Variants in DDX52 observed in about 807,000 individuals in gnomAD.
DDX52 encodes the protein probable ATP-dependent RNA helicase DDX52.
DDX52 carries 59 observed loss-of-function variants against 76.1 expected under a neutral mutation model. The observed-to-expected ratio is 0.78, with a 90% CI of 0.63 to 0.96. The LOEUF (loss-of-function observed/expected upper bound fraction) is 0.96, where lower values mean the gene tolerates loss of function less well. Ranked by LOEUF, DDX52 falls within the 40% of genes least tolerant of loss-of-function variation. DDX52 has a pLI of 0.00. For missense variants in DDX52, 707 were observed against 703.9 expected (o/e 1.00, Z -0.05); for synonymous variants, 231 against 244.1 (o/e 0.95, Z 0.50).
chr17:37,628,540 TC>T lies in DDX52; in HGVS notation c.859+20del, dbSNP rs747357474. On this transcript the variant is annotated intron_variant, in intron 6 of 14. Coordinates refer to ENST00000617633, the MANE Select transcript of DDX52 (RefSeq NM_007010.5). ...AGATTCCTTACATGCTCTATCTACA[TC>T]CCATGTATGAATTCCTTACCAAACT... 22 of 1,549,776 alleles carry T rather than the reference TC, an allele frequency of 1.4e-5. No homozygotes were observed. In the South Asian group the frequency reaches 2.3e-4, roughly 16 times the overall value.
chr17:37,630,642 T>G (rs1013144938), intron 4 of DDX52, among the ~76,000 whole-genome samples: 11 of 148,826 alleles, frequency 7.4e-5, no homozygotes, highest in South Asian at 4.2e-4. Flanking sequence ...TCACTGTGTT[T>G]TTTTTTTTTT....
intron 2 of DDX52, among the ~76,000 whole-genome samples, chr17:37,641,053 A>G (rs1204137832): frequency 6.6e-6 from 1 of 152,098 alleles, no homozygotes; most frequent in Non-Finnish European, 1.5e-5. Context: ...AGAAGAAACA[A>G]TTCACAAAAG....
chr17:37,639,954 C>T (rs912247898), intron 2 of DDX52, among the ~76,000 whole-genome samples: 7 of 152,108 alleles, frequency 4.6e-5, no homozygotes, highest in African/African-American at 1.7e-4. Context: ...TACTGCAGCA[C>T]TTAACAGCAA....
intron 9 of DDX52, among the ~76,000 whole-genome samples, chr17:37,623,647 G>C (rs1319000961): frequency 6.6e-6 from 1 of 152,122 alleles, no homozygotes; most frequent in African/African-American, 2.4e-5. Flanking sequence ...GTTTTATCCT[G>C]AAAATCCTTC....
rs1447738222 is a variant in DDX52, at chr17:37,613,611, CAA to C, written c.*683_*684del. 6.6e-6 allele frequency: 1 copy of C among 152,252 alleles called. No homozygotes were observed. The highest frequency in any genetic ancestry group is 6.5e-5 in the Admixed American group (1 of 15,272). The allele number at this position is 152,252 out of a possible 1,614,324, so 9.4% of individuals were successfully genotyped here. ...CCCAGGGAACTGGAATAACCAGCCA[CAA>C]AAGAGGCCTCTCTTTGTTGTGGTTC... On this transcript the variant is annotated 3_prime_UTR_variant, in exon 15 of 15. Transcript: ENST00000617633.
intron 8 of DDX52, among the ~76,000 whole-genome samples, chr17:37,624,885 T>C (rs1222041687): frequency 6.6e-6 from 1 of 152,104 alleles, no homozygotes; most frequent in African/African-American, 2.4e-5. Context: ...CTGTGTTGTA[T>C]CATAAATATT....
At chr17:37,637,926 T>C (rs1448635740) in intron 2 of DDX52, among the ~76,000 whole-genome samples, 1 of 152,200 alleles carries the variant, frequency 6.6e-6, no homozygotes, top group Non-Finnish European at 1.5e-5. Flanking sequence ...TTCCATATGA[T>C]GGGTGCCAAA....
rs1568613236 is a variant in DDX52, at chr17:37,642,166, CTCTCT to C, written c.225_229del (p.Glu76ProfsTer3). 5 of 1,614,066 alleles carry C rather than the reference CTCTCT, an allele frequency of 3.1e-6. No individual in the cohort carries two copies. The East Asian group carries it at 1.1e-4, about 36-fold the overall frequency. On this transcript the variant is annotated frameshift_variant, in exon 2 of 15. Transcript: ENST00000617633. LOFTEE classifies it high-confidence loss of function. ...CTGCTCCCTCTTCCTTTCAGTTAGG[CTCTCT>C]TCTTTTTTCTCTCCATTTTGGGGCT...
At chr17:37,638,720 A>C (rs1372099899) in intron 2 of DDX52, among the ~76,000 whole-genome samples, 1 of 152,016 alleles carries the variant, frequency 6.6e-6, no homozygotes, top group Non-Finnish European at 1.5e-5. Context: ...AAAGATTTTA[A>C]TATAACAAAT....
intron 1 of DDX52, 97 bp downstream of exon 1, chr17:37,643,237 G>T: frequency 7.6e-7 from 1 of 1,316,154 alleles, no homozygotes; most frequent in Non-Finnish European, 1.1e-6. Flanking sequence ...GCCAGGCCAC[G>T]GGTGTCCAAG....
Position 37,621,178 on chromosome 17 carries a change from C to A in DDX52, c.1450G>T (p.Val484Leu). The A allele has an allele frequency of 6.2e-7, 1 of 1,613,760 alleles. No individual in the cohort carries two copies. The highest frequency in any genetic ancestry group is 8.5e-7 in the Non-Finnish European group (1 of 1,179,902). ...CTAGTTGGAAAGTCATAGTTGATCA[C>A]CAAGTTCACACCTTTAAAATCAATC... ...RGIDFKGVNL[V>L]INYDFPTSSV... The change falls in exon 11 of 15, where the codon GTG (valine) becomes TTG (leucine). Residue 484 changes from valine to leucine, a missense_variant. Transcript: ENST00000617633.
At position 37,610,259 on chromosome 17, in the gene DDX52, G is replaced by A. The variant is rs1269798603; in HGVS notation, c.*4037C>T. The A allele has an allele frequency of 6.6e-6, 1 of 151,132 alleles. No individual in the cohort carries two copies. Among genetic ancestry groups the A allele is most frequent in the Non-Finnish European group, 1.5e-5 (1 of 68,320 alleles). The allele number at this position is 151,132 out of a possible 1,614,324, so 9.4% of individuals were successfully genotyped here. ...TCGCCTCAGCCTCCTGAGTAGCTGG[G>A]ACCACAGGCATGCACCACCACACCG... On this transcript the variant is annotated 3_prime_UTR_variant, in exon 15 of 15. Coordinates refer to ENST00000617633, the MANE Select transcript of DDX52 (RefSeq NM_007010.5).
chr17:37,636,762 T>C (rs2030947841), intron 2 of DDX52, among the ~76,000 whole-genome samples: 1 of 152,214 alleles, frequency 6.6e-6, no homozygotes, highest in African/African-American at 2.4e-5. Flanking sequence ...AGGAACAAGA[T>C]AATATTGAAG....
At chr17:37,626,956 T>C (rs1568603734) in intron 6 of DDX52, 96 bp from the exon 7 acceptor site, 1 of 936,422 alleles carries the variant, frequency 1.1e-6, no homozygotes, top group Non-Finnish European at 1.7e-6. Context: ...TAACCTGAAG[T>C]GGGAAGTAGT....
chr17:37,619,745 T>TA (rs1239856055), intron 13 of DDX52, 23 bp downstream of exon 13: 23 of 1,582,746 alleles, frequency 1.5e-5, no homozygotes, highest in Admixed American at 3.6e-5. Context: ...CAGACAAAGA[T>TA]ACAGGTAAAT....
chr17:37,631,312 C>T (rs1371663122), intron 4 of DDX52: 1 of 152,182 alleles, frequency 6.6e-6, no homozygotes, highest in African/African-American at 2.4e-5. Flanking sequence ...CAAACTATTG[C>T]TCTATGTAAT....
intron 13 of DDX52, among the ~76,000 whole-genome samples, chr17:37,618,592 C>G (rs902770055): frequency 2.6e-5 from 4 of 152,238 alleles, no homozygotes; most frequent in Non-Finnish European, 5.9e-5. Context: ...GGCGATTCTC[C>G]TGCCTCAGCT....
At chr17:37,620,663 G>T in intron 12 of DDX52, 1 of 459,578 alleles carries the variant, frequency 2.2e-6, no homozygotes, top group Admixed American at 4.1e-5. Context: ...ATTCCATTTT[G>T]AATATGTATT....
At position 37,643,316 on chromosome 17, in the gene DDX52, G is replaced by A; in HGVS notation, c.87+18C>T. 2 of 1,607,900 alleles carry A rather than the reference G, an allele frequency of 1.2e-6. No homozygotes were observed. The highest frequency in any genetic ancestry group is 1.7e-6 in the Non-Finnish European group (2 of 1,175,618). Reference sequence around the variant, plus strand: ...CTCCTTCTCAGTTACTCGGCCCTCGGTCCCTTGGGCACAGTACCTGGAATC... The same window carrying A: ...CTCCTTCTCAGTTACTCGGCCCTCGATCCCTTGGGCACAGTACCTGGAATC... On this transcript the variant is annotated intron_variant, in intron 1 of 14. Coordinates refer to ENST00000617633, the MANE Select transcript of DDX52 (RefSeq NM_007010.5).
Sources: allele counts gnomAD v4.1 joint callset (sites outside exome capture counted in the v4.1 genomes callset), GRCh38; gene constraint gnomAD v4.1.1; transcripts MANE v1.5; gene names NCBI Gene and HGNC (gene_info 2026-07-23, HGNC 2026-07-21).